Variants in SIL1 observed in about 807,000 individuals in gnomAD.
SIL1 encodes SIL1 nucleotide exchange factor.
In SIL1, 40 loss-of-function variants were observed where a neutral mutation model predicts 49.1. That is an observed-to-expected ratio of 0.81 (90% CI 0.63 to 1.06). SIL1 has a LOEUF of 1.06. Ranked by LOEUF, SIL1 falls within the 50% of genes least tolerant of loss-of-function variation. The probability of loss-of-function intolerance (pLI) is 0.00; values close to 1 mark genes in which losing one functional copy is unlikely to be tolerated. For missense variants in SIL1, 500 were observed against 572.6 expected (o/e 0.87, Z 1.29); for synonymous variants, 253 against 250.8 (o/e 1.01, Z -0.08).
chr5:139,011,332 G>T (rs978016547), intron 7 of SIL1, among the ~76,000 whole-genome samples: 1 of 152,324 alleles, frequency 6.6e-6, no homozygotes, highest in East Asian at 1.9e-4. Flanking sequence ...CCCGCACCGT[G>T]CGCGCACCCA....
chr5:139,149,246 A>C (rs1751252386), intron 1 of SIL1, among the ~76,000 whole-genome samples: 2 of 152,212 alleles, frequency 1.3e-5, no homozygotes, highest in South Asian at 4.1e-4. Context: ...CAATCTGGAA[A>C]AATATATTTT....
At chr5:139,072,367 T>G (rs1238101032) in intron 3 of SIL1, among the ~76,000 whole-genome samples, 8 of 152,198 alleles carry the variant, frequency 5.3e-5, no homozygotes, top group Non-Finnish European at 4.4e-5. Context: ...AAAAGTATAT[T>G]GCGAATATAA....
intron 7 of SIL1, among the ~76,000 whole-genome samples, chr5:138,961,019 G>A (rs918989786): frequency 4.6e-5 from 7 of 152,142 alleles, no homozygotes; most frequent in African/African-American, 1.7e-4. Flanking sequence ...AGTAGAATGT[G>A]TTAAACTTTT....
chr5:139,091,507 T>C (rs1166194694), intron 3 of SIL1, among the ~76,000 whole-genome samples: 1 of 152,178 alleles, frequency 6.6e-6, no homozygotes, highest in Non-Finnish European at 1.5e-5. Context: ...AAAACTACAG[T>C]AGAAAACTGC....
chr5:139,193,781 A>G lies in SIL1; in HGVS notation c.-11+4488T>C, dbSNP rs114206794. 4.4e-3 allele frequency among the ~76,000 whole-genome samples: 674 copies of G among 152,310 alleles called. 5 individuals are homozygous for G. Among genetic ancestry groups the G allele is most frequent in the African/African-American group, 0.016 (649 of 41,568 alleles). On this transcript the variant is annotated intron_variant, in intron 1 of 9. Coordinates refer to ENST00000394817, the MANE Select transcript of SIL1 (RefSeq NM_022464.5). The stretch of plus-strand genomic sequence containing the variant: ...CGGACTTTCCTGCTTTTGGCACTAA[A>G]AGTCCCACATACGGATATCCCTCTG...
At chr5:138,985,740 T>C (rs1767636335) in intron 7 of SIL1, among the ~76,000 whole-genome samples, 1 of 152,212 alleles carries the variant, frequency 6.6e-6, no homozygotes, top group African/African-American at 2.4e-5. Context: ...AGTTCAGGAC[T>C]AGGTCAGAGT....
chr5:139,112,858 G>T (rs1447347113), intron 3 of SIL1, among the ~76,000 whole-genome samples: 2 of 152,140 alleles, frequency 1.3e-5, no homozygotes, highest in Non-Finnish European at 2.9e-5. Flanking sequence ...GAACAGAAAA[G>T]GGGGAAATGT....
chr5:139,034,623 C>G (rs1023578295), intron 5 of SIL1, among the ~76,000 whole-genome samples: 5 of 152,156 alleles, frequency 3.3e-5, no homozygotes, highest in South Asian at 2.1e-4. Context: ...TATGTTTAAT[C>G]CTTTCTTCCT....
At position 139,182,663 on chromosome 5, in the gene SIL1, A is replaced by C. The variant is rs140587097; in HGVS notation, c.-11+15606T>G. On this transcript the variant is annotated intron_variant, in intron 1 of 9. Coordinates refer to ENST00000394817, the MANE Select transcript of SIL1 (RefSeq NM_022464.5). ...GGTCAGATTACAATATAGCCCTAGAAGGACAAAGTGGGAAGGAGAAAAGGG... is the reference window on the plus strand; with the variant it reads ...GGTCAGATTACAATATAGCCCTAGACGGACAAAGTGGGAAGGAGAAAAGGG... 8.3e-4 allele frequency among the ~76,000 whole-genome samples: 126 copies of C among 152,340 alleles called. No homozygotes were observed. The East Asian group carries it at 0.023, about 27-fold the overall frequency.
chr5:138,997,126 C>T (rs1561820371), intron 7 of SIL1, among the ~76,000 whole-genome samples: 1 of 152,010 alleles, frequency 6.6e-6, no homozygotes, highest in Non-Finnish European at 1.5e-5. Context: ...GAAGGGGTCT[C>T]ACTGTGTTGC....
intron 1 of SIL1, among the ~76,000 whole-genome samples, chr5:139,159,439 G>A (rs980669490): frequency 5.3e-5 from 8 of 152,160 alleles, no homozygotes; most frequent in East Asian, 1.9e-4. Context: ...GAGAGAAAAC[G>A]GAAAAAGATC....
rs766375914 is a variant in SIL1, at chr5:139,015,912, G to A, written c.767+5259C>T. 3.3e-5 allele frequency among the ~76,000 whole-genome samples: 5 copies of A among 152,168 alleles called. No homozygotes were observed. The South Asian group carries it at 6.2e-4, about 19-fold the overall frequency. ...AACATGTTGCTGCCCTCACATTATC[G>A]AGGTTCCTTAGTAGATGAAAAAGGG... On this transcript the variant is annotated intron_variant, in intron 7 of 9. Coordinates refer to ENST00000394817, the MANE Select transcript of SIL1 (RefSeq NM_022464.5).
chr5:139,007,281 G>A (rs1182770939), intron 7 of SIL1, among the ~76,000 whole-genome samples: 2 of 121,030 alleles, frequency 1.7e-5, no homozygotes. Context: ...TGGTGTATAA[G>A]AATGCTTGTG....
chr5:139,080,169 T>G (rs532440032), intron 3 of SIL1, among the ~76,000 whole-genome samples: 6 of 152,308 alleles, frequency 3.9e-5, no homozygotes, highest in African/African-American at 1.4e-4. Flanking sequence ...GGATACAGAT[T>G]TTACCACCCA....
At chr5:139,110,402 A>G (rs1770816312) in intron 3 of SIL1, among the ~76,000 whole-genome samples, 1 of 152,160 alleles carries the variant, frequency 6.6e-6, no homozygotes, top group Non-Finnish European at 1.5e-5. Flanking sequence ...TCAAATCTGA[A>G]GACTTTTAAT....
In SIL1 at chr5:139,055,940, C is replaced by T. The variant is rs547581575; in HGVS notation, c.245-4894G>A. Among the ~76,000 whole-genome samples, 39 of 152,182 alleles carry T rather than the reference C, an allele frequency of 2.6e-4. No individual in the cohort carries two copies. The East Asian group carries it at 3.1e-3, about 12-fold the overall frequency. ...CGCCAGCCTCGACCTCCCGAAGTGC[C>T]GGGATTGCAGACAGAGTCTCCTTCA... On this transcript the variant is annotated intron_variant, in intron 3 of 9. Transcript: ENST00000394817.
intron 7 of SIL1, among the ~76,000 whole-genome samples, chr5:138,966,466 C>G (rs986863609): frequency 3.3e-5 from 5 of 152,000 alleles, no homozygotes; most frequent in African/African-American, 1.2e-4. Context: ...GCAGACACCA[C>G]CCACCAGGCT....
rs111292519 is a variant in SIL1 at position 139,026,101 on chromosome 5, T to C, written c.645+700A>G. 4.9e-3 allele frequency among the ~76,000 whole-genome samples: 749 copies of C among 152,350 alleles called. 5 individuals carry two copies. The highest frequency in any genetic ancestry group is 0.01 in the Middle Eastern group (3 of 294). Reference sequence around the variant, plus strand: ...CCTCCCTTATTGTCCATGACTAGGCTCTAAGTTCTCCAGTTACATATTCTT... The same window carrying C: ...CCTCCCTTATTGTCCATGACTAGGCCCTAAGTTCTCCAGTTACATATTCTT... On this transcript the variant is annotated intron_variant, in intron 6 of 9. Coordinates refer to ENST00000394817, the MANE Select transcript of SIL1 (RefSeq NM_022464.5).
intron 1 of SIL1, among the ~76,000 whole-genome samples, chr5:139,157,975 CT>C (rs1303571262): frequency 6.6e-6 from 1 of 152,226 alleles, no homozygotes; most frequent in Non-Finnish European, 1.5e-5. Context: ...TCTCTACCTT[CT>C]TTTGTCAAGA....
Sources: gnomAD v4.1 joint callset for allele counts (sites outside exome capture counted in the v4.1 genomes callset) on GRCh38, gnomAD v4.1.1 for gene constraint, MANE v1.5 for transcripts, NCBI Gene and HGNC (gene_info 2026-07-23, HGNC 2026-07-21) for gene names.